TOR3A: variants seen among roughly 807,000 people sequenced by gnomAD.
The protein encoded by TOR3A is torsin-3A.
A neutral mutation model predicts 42.1 loss-of-function variants in TOR3A; 44 were observed. The ratio of observed to expected loss-of-function variants is 1.04; its 90% CI spans 0.82 to 1.34. The LOEUF is 1.34. Ranked by LOEUF, TOR3A falls within the 40% of genes most tolerant of loss-of-function variation. TOR3A has a pLI of 0.00. For synonymous variants in TOR3A, 227 were observed against 213.2 expected (o/e 1.06, Z -0.57); for missense variants, 521 against 507.6 (o/e 1.03, Z -0.25).
At chr1:179,087,015 G>A (rs1355822016) in intron 3 of TOR3A, among the ~76,000 whole-genome samples, 1 of 152,200 alleles carries the variant, frequency 6.6e-6, no homozygotes, top group Non-Finnish European at 1.5e-5. Flanking sequence ...GGGCAGAACT[G>A]TCTGGCTTAG....
At chr1:179,089,695 C>T (rs1652525542) in intron 4 of TOR3A, among the ~76,000 whole-genome samples, 2 of 152,202 alleles carry the variant, frequency 1.3e-5, no homozygotes, top group African/African-American at 4.8e-5. Flanking sequence ...GTGGTTTCTC[C>T]ACCTGAGCCC....
intron 2 of TOR3A, among the ~76,000 whole-genome samples, chr1:179,084,291 A>G (rs1652373378): frequency 6.6e-6 from 1 of 152,060 alleles, no homozygotes; most frequent in Admixed American, 6.6e-5. Context: ...GGCTGGAGCA[A>G]TCTCGTCTCA....
At chr1:179,083,780 A>C (rs1170467924) in intron 2 of TOR3A, among the ~76,000 whole-genome samples, 1 of 152,118 alleles carries the variant, frequency 6.6e-6, no homozygotes, top group Non-Finnish European at 1.5e-5. Context: ...TCACTCTCAC[A>C]AGGTGATCTT....
Position 179,087,789 on chromosome 1 carries a change from G to T in TOR3A, c.640-122G>T, listed in dbSNP as rs1652471184. ...TTGGATTTGATAGGTTCTGGCGGGG[G>T]GCGGGGGGTGGGGAACCCAGCCCCA... On this transcript the variant is annotated intron_variant, in intron 3 of 5. Transcript: ENST00000367627. The T allele has an allele frequency of 1.1e-5, 9 of 852,286 alleles. 1 individual carries two copies. Among genetic ancestry groups the T allele is most frequent in the Middle Eastern group, 7.4e-4 (2 of 2,720 alleles). 52.8% of individuals were successfully genotyped at this position (852,286 alleles called of 1,614,324 possible). A position where few individuals can be genotyped will look rare whatever the true frequency, so the allele number is the denominator to read the frequency against.
chr1:179,091,702 C>G (rs1330192303), intron 4 of TOR3A: 1 of 152,354 alleles, frequency 6.6e-6, no homozygotes, highest in Non-Finnish European at 1.5e-5. Context: ...AGTCCATGCC[C>G]CTAGGATGGG....
chr1:179,090,408 G>GGAGT (rs1553210086), intron 4 of TOR3A, among the ~76,000 whole-genome samples: 1 of 152,202 alleles, frequency 6.6e-6, no homozygotes, highest in Non-Finnish European at 1.5e-5. Flanking sequence ...TGTTGATATT[G>GGAGT]GAGTCTCTGG....
intron 1 of TOR3A, 195 bp from the exon 2 acceptor site, chr1:179,082,745 G>A (rs544241305): frequency 7.1e-6 from 5 of 704,140 alleles, no homozygotes; most frequent in African/African-American, 1.7e-5. Flanking sequence ...CTGTGGACAT[G>A]CCTGGTGACT....
chr1:179,087,810 C>CCCCAGGGGGTCCATTGCACATG, intron 3 of TOR3A, 101 bp from the exon 4 acceptor site: 1 of 1,194,434 alleles, frequency 8.4e-7, no homozygotes. Flanking sequence ...GGGAACCCAG[C>CCCCAGGGGGTCCATTGCACATG]CCCAGGGGGT....
chr1:179,082,479 A>G (rs1199250682), intron 1 of TOR3A, 92 bp downstream of exon 1: 1 of 1,464,486 alleles, frequency 6.8e-7, no homozygotes, highest in Non-Finnish European at 9.0e-7. Context: ...CCGGGGCGAC[A>G]TCTGGGCCCG....
At chr1:179,082,449 T>TGTG in intron 1 of TOR3A, 62 bp downstream of exon 1, 1 of 1,533,084 alleles carries the variant, frequency 6.5e-7, no homozygotes, top group Non-Finnish European at 8.7e-7. Flanking sequence ...CGGGCGCGGC[T>TGTG]GTGGTCGCCT....
intron 4 of TOR3A, among the ~76,000 whole-genome samples, chr1:179,092,603 A>G (rs1652620675): frequency 6.9e-6 from 1 of 145,460 alleles, no homozygotes; most frequent in Non-Finnish European, 1.6e-5. Context: ...CTGTCATCCT[A>G]GCACTTTGGG....
chr1:179,089,149 C>T (rs1000229152), intron 4 of TOR3A, among the ~76,000 whole-genome samples: 4 of 151,974 alleles, frequency 2.6e-5, no homozygotes, highest in African/African-American at 9.7e-5. Context: ...GGCGCAGTGG[C>T]CTGTCTACTA....
At position 179,090,273 on chromosome 1, in the gene TOR3A, G is replaced by A. The variant is rs58162336; in HGVS notation, c.818+2184G>A. 2.1e-3 allele frequency among the ~76,000 whole-genome samples: 319 copies of A among 152,328 alleles called. 2 individuals are homozygous for A. Among genetic ancestry groups the A allele is most frequent in the African/African-American group, 7.4e-3 (306 of 41,566 alleles). ...GTGTGGGCCTGTGCCCAGCCTTTAC[G>A]AGCCAGAGGTTCCCCCCTCCAGCCG... On this transcript the variant is annotated intron_variant, in intron 4 of 5. Transcript: ENST00000367627.
rs537924103 is a variant in TOR3A at position 179,092,932 on chromosome 1, GA to G, written c.819-1160del. 3.2e-3 allele frequency among the ~76,000 whole-genome samples: 485 copies of G among 152,298 alleles called. 2 individuals carry two copies. The highest frequency in any genetic ancestry group is 4.4e-3 in the Non-Finnish European group (300 of 68,004). ...GGTGAGAGGATCAGCTGAGCCTGGG[GA>G]GGTGGAGGCTGCAGTGAGCCAAAAT... On this transcript the variant is annotated intron_variant, in intron 4 of 5. Transcript: ENST00000367627.
chr1:179,093,075 T>C (rs1010573869), intron 4 of TOR3A, among the ~76,000 whole-genome samples: 15 of 152,132 alleles, frequency 9.9e-5, no homozygotes, highest in Admixed American at 5.9e-4. Flanking sequence ...TTTAAGGAGC[T>C]GGTGGAGCTG....
At position 179,085,667 on chromosome 1, in the gene TOR3A, A is replaced by C; in HGVS notation, c.413A>C (p.His138Pro). Residue 138 changes from histidine to proline, a missense_variant, in exon 3 of 6, where the codon CAT becomes CCT. Coordinates refer to ENST00000367627, the MANE Select transcript of TOR3A (RefSeq NM_022371.4). ...WDLNVRLHGQ[H>P]LVQQLVLRTV... is the part of the protein sequence containing the mutation. ...CTGAATGTGCGGCTGCATGGCCAGC[A>C]TTTGGTCCAGCAGCTGGTCCTAAGA... 1 of 1,614,172 alleles carries C rather than the reference A, an allele frequency of 6.2e-7. No homozygotes were observed. Among genetic ancestry groups the C allele is most frequent in the South Asian group, 1.1e-5 (1 of 91,082 alleles).
chr1:179,082,538 C>A, intron 1 of TOR3A, 151 bp downstream of exon 1: 1 of 1,246,780 alleles, frequency 8.0e-7, no homozygotes, highest in Non-Finnish European at 1.1e-6. Context: ...CGGGGGCAGC[C>A]TCCGCGGAGC....
intron 4 of TOR3A, chr1:179,091,650 C>G (rs749383819): frequency 6.6e-6 from 1 of 152,360 alleles, no homozygotes; most frequent in Non-Finnish European, 1.5e-5. Context: ...TGGGACCTCT[C>G]TTTACCCATG....
intron 2 of TOR3A, among the ~76,000 whole-genome samples, chr1:179,083,971 A>G (rs1652367980): frequency 6.6e-6 from 1 of 152,130 alleles, no homozygotes; most frequent in Non-Finnish European, 1.5e-5. Context: ...GTGTTTAGGG[A>G]CACAGTCTGG....
Sources: allele counts gnomAD v4.1 joint callset (sites outside exome capture counted in the v4.1 genomes callset), GRCh38; gene constraint gnomAD v4.1.1; transcripts MANE v1.5; gene names NCBI Gene and HGNC (gene_info 2026-07-23, HGNC 2026-07-21).